Variants in CHRM2 observed in about 807,000 individuals in gnomAD.
The protein encoded by CHRM2 is cholinergic receptor muscarinic 2.
A neutral mutation model predicts 25.0 loss-of-function variants in CHRM2; 8 were observed. The observed-to-expected ratio is 0.32, with a 90% CI of 0.19 to 0.58. The LOEUF (loss-of-function observed/expected upper bound fraction) is 0.58, where lower values mean the gene tolerates loss of function less well. Among genes scored for constraint, CHRM2 ranks in the 20% least tolerant of loss-of-function variants. The pLI, the probability that CHRM2 is intolerant of heterozygous loss-of-function variation, is 0.88. For synonymous variants in CHRM2, 202 were observed against 205.7 expected, an observed-to-expected ratio of 0.98 and a Z score of 0.15; for missense variants, 440 against 567.1, an observed-to-expected ratio of 0.78 and a Z score of 2.28.
intron 2 of CHRM2, among the ~76,000 whole-genome samples, chr7:136,981,753 T>G (rs138948828): frequency 0.01 from 1,590 of 152,248 alleles, 32 homozygotes; most frequent in African/African-American, 0.037. Flanking sequence ...TGTAGTCGTG[T>G]GGTTTTGAGT....
At chr7:136,943,310 A>G (rs749442595) in intron 2 of CHRM2, among the ~76,000 whole-genome samples, 1 of 152,012 alleles carries the variant, frequency 6.6e-6, no homozygotes, top group Non-Finnish European at 1.5e-5. Flanking sequence ...TGTGCCTTTA[A>G]CTATTTCTGA....
chr7:136,974,574 T>A (rs1801993648), intron 2 of CHRM2, among the ~76,000 whole-genome samples: 1 of 152,086 alleles, frequency 6.6e-6, no homozygotes, highest in African/African-American at 2.4e-5. Flanking sequence ...GAGGCTCGAA[T>A]GCATATACCT....
rs984761126 is a variant in CHRM2, at chr7:137,012,472, C to T, written c.-46-2348C>T. On this transcript the variant is annotated intron_variant, in intron 3 of 3. Transcript: ENST00000680005. ...CTCTTCAATATTTCCCAATGAGCTG[C>T]AGGCATACATATGTAATATTACATA... Among the ~76,000 whole-genome samples, 4 of 151,952 alleles carry T rather than the reference C, an allele frequency of 2.6e-5. No individual in the cohort carries two copies. The South Asian group carries it at 8.3e-4, about 31-fold the overall frequency.
intron 2 of CHRM2, among the ~76,000 whole-genome samples, chr7:136,985,620 A>G (rs1802808301): frequency 1.3e-5 from 2 of 152,158 alleles, no homozygotes; most frequent in Admixed American, 1.3e-4. Context: ...TTACATTTCA[A>G]TCGTCCAAGA....
At chr7:136,942,003 G>A (rs1351401107) in intron 2 of CHRM2, among the ~76,000 whole-genome samples, 1 of 152,198 alleles carries the variant, frequency 6.6e-6, no homozygotes, top group East Asian at 1.9e-4. Flanking sequence ...TTAGATGCTT[G>A]TGAGGTTTTA....
chr7:136,997,072 T>C lies in CHRM2; in HGVS notation c.-47+4808T>C, dbSNP rs149512900. On this transcript the variant is annotated intron_variant, in intron 3 of 3. Coordinates refer to ENST00000680005, the MANE Select transcript of CHRM2 (RefSeq NM_001006630.2). ...TTCTCCCCCTCCAAGGACTACCAGC[T>C]GTACAGTGTGCATATGTTAACTTAT... 7.4e-3 allele frequency among the ~76,000 whole-genome samples: 1,121 copies of C among 152,334 alleles called. 7 individuals are homozygous for C. Among genetic ancestry groups the C allele is most frequent in the Middle Eastern group, 0.017 (5 of 294 alleles).
At chr7:136,956,690 T>C (rs539410876) in intron 2 of CHRM2, among the ~76,000 whole-genome samples, 1 of 152,176 alleles carries the variant, frequency 6.6e-6, no homozygotes, top group Admixed American at 6.5e-5. Context: ...AAATGGTGAC[T>C]GCTGACATAT....
chr7:136,911,118 T>A (rs181579762), intron 2 of CHRM2, among the ~76,000 whole-genome samples: 86 of 151,828 alleles, frequency 5.7e-4, no homozygotes, highest in African/African-American at 1.9e-3. Flanking sequence ...TAGTGAGTAA[T>A]TTTTTTTATT....
rs1803635871 is a variant in CHRM2, at chr7:136,996,828, G to T, written c.-47+4564G>T. Among the ~76,000 whole-genome samples the T allele has an allele frequency of 2.0e-5, 3 of 152,130 alleles. No homozygotes were observed. The South Asian group carries it at 6.2e-4, about 32-fold the overall frequency. ...TTATTACCCAGTACTAACAGCAAAG[G>T]TCATAGAGTGTGAGCCTACAGGCCA... On this transcript the variant is annotated intron_variant, in intron 3 of 3. Transcript: ENST00000680005.
chr7:136,894,623 C>T lies in CHRM2; in HGVS notation c.-125+25205C>T, dbSNP rs139619193. Among the ~76,000 whole-genome samples the T allele has an allele frequency of 2.7e-3, 412 of 152,260 alleles. 3 individuals are homozygous for T. The highest frequency in any genetic ancestry group is 9.3e-3 in the African/African-American group (388 of 41,542). ...CTGACCTCAGGTGATCCACCCGCCT[C>T]GGCCTCCCAAAGTGCTGGGATTACA... On this transcript the variant is annotated intron_variant, in intron 2 of 3. Coordinates refer to ENST00000680005, the MANE Select transcript of CHRM2 (RefSeq NM_001006630.2).
At chr7:136,910,249 C>G (rs925429326) in intron 2 of CHRM2, among the ~76,000 whole-genome samples, 1 of 151,858 alleles carries the variant, frequency 6.6e-6, no homozygotes, top group East Asian at 1.9e-4. Flanking sequence ...GATAAACTCT[C>G]GGCTGATATT....
At chr7:136,906,163 T>C (rs1193371612) in intron 2 of CHRM2, among the ~76,000 whole-genome samples, 2 of 150,838 alleles carry the variant, frequency 1.3e-5, no homozygotes, top group African/African-American at 4.9e-5. Context: ...CATATATACA[T>C]ATATACTCAC....
In CHRM2 at chr7:136,893,077, G is replaced by GTC. The variant is rs1009245662; in HGVS notation, c.-125+23669_-125+23670dup. Among the ~76,000 whole-genome samples the GTC allele has an allele frequency of 2.0e-5, 3 of 152,060 alleles. No individual in the cohort carries two copies. In the South Asian group the frequency reaches 6.2e-4, roughly 32 times the overall value. On this transcript the variant is annotated intron_variant, in intron 2 of 3. Coordinates refer to ENST00000680005, the MANE Select transcript of CHRM2 (RefSeq NM_001006630.2). ...TTGTTCTCTCTTCCTAAAGAGACAT[G>GTC]TCTCTCTCTCTTGTTCTTCTCGCTT...
intron 2 of CHRM2, among the ~76,000 whole-genome samples, chr7:136,925,257 C>T (rs769476274): frequency 4.6e-5 from 7 of 152,120 alleles, no homozygotes; most frequent in African/African-American, 7.2e-5. Flanking sequence ...GCTATCCAAC[C>T]GGATGCCAGA....
chr7:136,901,582 G>A (rs1423558849), intron 2 of CHRM2, among the ~76,000 whole-genome samples: 1 of 151,910 alleles, frequency 6.6e-6, no homozygotes, highest in Non-Finnish European at 1.5e-5. Flanking sequence ...TGGACCCTAA[G>A]CAACCCAGTT....
chr7:136,993,374 T>C (rs547758257), intron 3 of CHRM2, among the ~76,000 whole-genome samples: 27 of 152,342 alleles, frequency 1.8e-4, no homozygotes, highest in African/African-American at 6.0e-4. Context: ...ACTCATTTAA[T>C]GTGCCTTAGT....
chr7:136,996,924 AAG>A, intron 3 of CHRM2, among the ~76,000 whole-genome samples: 1 of 152,280 alleles, frequency 6.6e-6, no homozygotes, highest in South Asian at 2.1e-4. Flanking sequence ...TAAAAATTTG[AAG>A]AGTTAAGTAT....
intron 2 of CHRM2, among the ~76,000 whole-genome samples, chr7:136,892,939 C>T (rs766844187): frequency 6.6e-6 from 1 of 152,136 alleles, no homozygotes; most frequent in Non-Finnish European, 1.5e-5. Context: ...AGGCATGAGC[C>T]ACCACATCCA....
At chr7:136,938,366 T>C in intron 2 of CHRM2, 1 of 1,587,308 alleles carries the variant, frequency 6.3e-7, no homozygotes. Context: ...AGGCTCCACT[T>C]GGTCTCCAGC....
Sources: gnomAD v4.1 joint callset for allele counts (sites outside exome capture counted in the v4.1 genomes callset) on GRCh38, gnomAD v4.1.1 for gene constraint, MANE v1.5 for transcripts, NCBI Gene and HGNC (gene_info 2026-07-23, HGNC 2026-07-21) for gene names.